OR10J1: variants seen among roughly 807,000 people sequenced by gnomAD.
OR10J1 encodes the protein olfactory receptor 10J1.
For synonymous variants in OR10J1, 202 were observed against 143.8 expected (o/e 1.40, Z -2.89); for missense variants, 474 against 376.6 (o/e 1.26, Z -2.14).
rs138704767 is a variant in OR10J1 at position 159,439,861 on chromosome 1, C to T, written c.70C>T (p.Gln24Ter). Reference protein sequence around the residue: ...FQGFSSFHEQQITLFGVFLAL... With the variant: ...FQGFSSFHEQ ...AGGTTTCTCTAGCTTCCATGAGCAG[C>T]AGATCACCCTTTTTGGCGTGTTCCT... The change falls in exon 1 of 1, where the codon CAG (glutamine) becomes TAG (stop). Residue 24 changes from glutamine (Q) to a stop codon, truncating the protein, a stop_gained. Coordinates refer to ENST00000423932, the MANE Select transcript of OR10J1 (RefSeq NM_012351.3). LOFTEE classifies it low-confidence loss of function (END_TRUNC). 7.5e-5 allele frequency: 121 copies of T among 1,614,178 alleles called. 2 individuals are homozygous for T. The highest frequency in any genetic ancestry group is 2.3e-5 in the Non-Finnish European group (27 of 1,180,024).
the OR10J1 span, among the ~76,000 whole-genome samples, chr1:159,413,550 G>A: frequency 6.6e-6 from 1 of 152,064 alleles, no homozygotes; most frequent in Non-Finnish European, 1.5e-5. Flanking sequence ...GGACATGGAT[G>A]AAATGGGAAA....
the OR10J1 span, among the ~76,000 whole-genome samples, chr1:159,427,130 A>G: frequency 6.6e-6 from 1 of 151,882 alleles, no homozygotes; most frequent in Admixed American, 6.6e-5. Flanking sequence ...AAACAAAAAT[A>G]AAATTTTAAA....
At chr1:159,419,755 A>G in the OR10J1 span, among the ~76,000 whole-genome samples, 1 of 152,158 alleles carries the variant, frequency 6.6e-6, no homozygotes, top group Non-Finnish European at 1.5e-5. Flanking sequence ...CATATGATCT[A>G]TTTTGGAGAA....
chr1:159,410,463 T>C, the OR10J1 span, among the ~76,000 whole-genome samples: 1 of 152,206 alleles, frequency 6.6e-6, no homozygotes. Context: ...CCATTTCTTC[T>C]AGATTTTCCA....
upstream of OR10J1, among the ~76,000 whole-genome samples, chr1:159,434,500 G>A (rs1475400464): frequency 6.6e-6 from 1 of 152,108 alleles, no homozygotes; most frequent in African/African-American, 2.4e-5. Flanking sequence ...AATAGGAAAG[G>A]AAGTCTAAAG....
At chr1:159,438,786 G>A (rs1251439268), upstream of OR10J1, among the ~76,000 whole-genome samples, 3 of 152,148 alleles carry the variant, frequency 2.0e-5, no homozygotes, top group Non-Finnish European at 4.4e-5. Context: ...CCCTAGAGAA[G>A]CTTACTGTTT....
chr1:159,407,631 A>C, the OR10J1 span, among the ~76,000 whole-genome samples: 1 of 152,164 alleles, frequency 6.6e-6, no homozygotes, highest in Non-Finnish European at 1.5e-5. Flanking sequence ...CTGTGCATGA[A>C]TACAATCAAT....
the OR10J1 span, among the ~76,000 whole-genome samples, chr1:159,424,609 A>C: frequency 4.0e-5 from 6 of 151,894 alleles, no homozygotes; most frequent in African/African-American, 1.4e-4. Context: ...TTCTACAAAA[A>C]GAAAACTTTG....
the OR10J1 span, among the ~76,000 whole-genome samples, chr1:159,402,810 C>T: frequency 3.9e-5 from 6 of 151,908 alleles, no homozygotes; most frequent in Non-Finnish European, 5.9e-5. Context: ...CAAAGCTAGC[C>T]TAAGCAAAAA....
chr1:159,426,303 A>T, the OR10J1 span, among the ~76,000 whole-genome samples: 6 of 151,914 alleles, frequency 3.9e-5, no homozygotes, highest in African/African-American at 1.4e-4. Flanking sequence ...TCAATTTTTT[A>T]AAATGTATAT....
At chr1:159,436,476 G>A (rs7514531), upstream of OR10J1, among the ~76,000 whole-genome samples, 139,756 of 152,048 alleles carry the variant, frequency 0.92, 64,889 homozygotes, top group East Asian at 1. Context: ...CTCTAGATCA[G>A]TCCCAATTAT....
the OR10J1 span, among the ~76,000 whole-genome samples, chr1:159,419,346 G>A: frequency 2.0e-5 from 3 of 152,254 alleles, no homozygotes; most frequent in East Asian, 3.9e-4. Flanking sequence ...ATTGAATCAT[G>A]GGGGTGGGTC....
At chr1:159,436,913 T>C (rs181798199), upstream of OR10J1, among the ~76,000 whole-genome samples, 2 of 152,332 alleles carry the variant, frequency 1.3e-5, no homozygotes, top group Admixed American at 6.5e-5. Flanking sequence ...TATGATTGTC[T>C]ATCACCTGCA....
In OR10J1 at chr1:159,440,418, T is replaced by C; in HGVS notation, c.627T>C (p.Pro209=). The C allele has an allele frequency of 6.2e-7, 1 of 1,614,176 alleles. No individual in the cohort carries two copies. The highest frequency in any genetic ancestry group is 1.1e-5 in the South Asian group (1 of 91,078). ...TCAGTGTGCTGGTGCTTGTTGTACC[T>C]ATGGGTCTGGTTTTCATTTCTTATG... ...LIISVLVLVV[P]MGLVFISYVL... The change falls in exon 1 of 1, where the codon CCT becomes CCC. Residue 209 remains proline, a synonymous_variant. Transcript: ENST00000423932.
Position 159,440,174 on chromosome 1 carries a change from AC to A in OR10J1, c.388del (p.Leu130Ter), listed in dbSNP as rs767253331. Reference sequence around the variant, plus strand: ...TATGACCGCTATGTGGCCATCTGCAACCCCCTGAGATACATGGTTATTATGA... The same window carrying A: ...TATGACCGCTATGTGGCCATCTGCAACCCCTGAGATACATGGTTATTATGA... ...MGYDRYVAIC[N>X]PLRYMVIMNK... is the part of the protein sequence containing the mutation. On this transcript the variant is annotated frameshift_variant, in exon 1 of 1. Transcript: ENST00000423932. LOFTEE classifies it low-confidence loss of function (END_TRUNC). The A allele has an allele frequency of 4.0e-5, 64 of 1,613,954 alleles. No individual in the cohort carries two copies. Among genetic ancestry groups the A allele is most frequent in the Admixed American group, 3.7e-4 (22 of 59,988 alleles).
the OR10J1 span, among the ~76,000 whole-genome samples, chr1:159,410,306 T>C: frequency 1.8e-4 from 28 of 152,192 alleles, no homozygotes; most frequent in Non-Finnish European, 2.6e-4. Context: ...TGGTAGAATT[T>C]GGCTGTGAAT....
the OR10J1 span, among the ~76,000 whole-genome samples, chr1:159,425,231 A>G: frequency 1.3e-5 from 2 of 152,154 alleles, no homozygotes; most frequent in African/African-American, 4.8e-5. Context: ...GAGGTTCTCC[A>G]TCAAAATGAG....
At chr1:159,429,923 A>T in the OR10J1 span, among the ~76,000 whole-genome samples, 3 of 152,000 alleles carry the variant, frequency 2.0e-5, no homozygotes, top group Admixed American at 1.3e-4. Context: ...GTACAATGGG[A>T]GTCCTGGAAA....
At chr1:159,430,981 T>C in the OR10J1 span, among the ~76,000 whole-genome samples, 1 of 152,166 alleles carries the variant, frequency 6.6e-6, no homozygotes, top group Non-Finnish European at 1.5e-5. Flanking sequence ...AACTTAAATA[T>C]TTTGTTGTTT....
Sources: gnomAD v4.1 joint callset for allele counts (sites outside exome capture counted in the v4.1 genomes callset) on GRCh38, gnomAD v4.1.1 for gene constraint, MANE v1.5 for transcripts, NCBI Gene and HGNC (gene_info 2026-07-23, HGNC 2026-07-21) for gene names.